RAB37: variants seen among roughly 807,000 people sequenced by gnomAD.
The protein encoded by RAB37 is RAB37, member RAS oncogene family, also known as ras-related protein Rab-37.
In RAB37, 29 loss-of-function variants were observed where a neutral mutation model predicts 33.1. The ratio of observed to expected loss-of-function variants is 0.88; its 90% CI spans 0.65 to 1.20. The LOEUF (loss-of-function observed/expected upper bound fraction) is 1.20. RAB37 is among the 50% of genes most tolerant of loss of function. The pLI is 0.00. For synonymous variants in RAB37, 128 were observed against 119.5 expected, an observed-to-expected ratio of 1.07 and a Z score of -0.47; for missense variants, 299 against 301.1, an observed-to-expected ratio of 0.99 and a Z score of 0.05.
intron 1 of RAB37, among the ~76,000 whole-genome samples, chr17:74,707,913 C>T (rs969854369): frequency 3.3e-5 from 5 of 151,568 alleles, no homozygotes; most frequent in Non-Finnish European, 5.9e-5. Context: ...TGTGAGAGGC[C>T]GAGGCAGGTG....
At chr17:74,696,815 A>C (rs1014867179) in intron 1 of RAB37, among the ~76,000 whole-genome samples, 4 of 152,134 alleles carry the variant, frequency 2.6e-5, no homozygotes, top group Non-Finnish European at 5.9e-5. Context: ...CATCAGTAAA[A>C]GTTGTCTGCA....
rs1226304438 is a variant in RAB37, at chr17:74,744,143, G to A, written c.367-165G>A. On this transcript the variant is annotated intron_variant, in intron 5 of 8. Coordinates refer to ENST00000392613, the MANE Select transcript of RAB37 (RefSeq NM_001006638.3). The surrounding 1 kb of genome is among the most constrained non-coding windows in gnomAD (Gnocchi z 4.2). Reference sequence around the variant, plus strand: ...GGGCCATTGTGGGTTGAGCCACCAAGGAAGGCCATCCAGGCCTGGATGGGC... The same window carrying A: ...GGGCCATTGTGGGTTGAGCCACCAAAGAAGGCCATCCAGGCCTGGATGGGC... Among the ~76,000 whole-genome samples the A allele has an allele frequency of 6.6e-6, 1 of 152,126 alleles. No individual in the cohort carries two copies. The highest frequency in any genetic ancestry group is 1.5e-5 in the Non-Finnish European group (1 of 68,024).
At chr17:74,717,964 C>T (rs979203106) in intron 1 of RAB37, among the ~76,000 whole-genome samples, 11 of 152,076 alleles carry the variant, frequency 7.2e-5, no homozygotes, top group African/African-American at 2.4e-4. Context: ...TTGGACTCTC[C>T]AGGCTCCAAA....
upstream of RAB37, among the ~76,000 whole-genome samples, chr17:74,733,885 C>T (rs1260102747): frequency 1.3e-5 from 2 of 152,068 alleles, no homozygotes; most frequent in East Asian, 3.8e-4. Flanking sequence ...TATGACATTA[C>T]CCACATACCA....
chr17:74,671,501 C>A lies in RAB37; in HGVS notation c.-86C>A. The A allele has an allele frequency of 1.5e-6, 2 of 1,307,622 alleles. No homozygotes were observed. Among genetic ancestry groups the A allele is most frequent in the Non-Finnish European group, 1.1e-6 (1 of 911,874 alleles). 81.0% of individuals were successfully genotyped at this position (1,307,622 alleles called of 1,614,324 possible). A position where few individuals can be genotyped will look rare whatever the true frequency, so the allele number is the denominator to read the frequency against. On this transcript the variant is annotated 5_prime_UTR_variant, in exon 1 of 8. Coordinates refer to the RAB37 transcript ENST00000340415. This position sits in a 1 kb window ranked among gnomAD's most constrained non-coding sequence, Gnocchi z 5.0. ...CCCGCAGAGCTCAGACCCAAGCCTG[C>A]CGCACCCAGCGGAGCTCGAACCGAG...
chr17:74,734,160 G>A (rs563717672), upstream of RAB37, among the ~76,000 whole-genome samples: 4 of 152,188 alleles, frequency 2.6e-5, no homozygotes, highest in Non-Finnish European at 5.9e-5. Context: ...CCCTCTGAAG[G>A]CTCCAGAGAA....
rs2144074537 is a variant in RAB37, at chr17:74,740,980, C to T, written c.204+102C>T. On this transcript the variant is annotated intron_variant, in intron 2 of 8. Transcript: ENST00000392613. The stretch of plus-strand genomic sequence containing the variant: ...TGCTCACCCTGGCTCCCAGGGACTC[C>T]CGAGGCTCATGCCTGGAGGGCACAC... The T allele has an allele frequency of 3.5e-6, 3 of 864,678 alleles. No homozygotes were observed. In the Admixed American group the frequency reaches 5.4e-5, roughly 16 times the overall value. The allele number at this position is 864,678 out of a possible 1,614,324, so 53.6% of individuals were successfully genotyped here.
chr17:74,729,840 A>G lies in RAB37; in HGVS notation c.183+474A>G, dbSNP rs1388750860. On this transcript the variant is annotated intron_variant, in intron 2 of 7. Transcript: ENST00000340415. The surrounding 1 kb of genome is among the most constrained non-coding windows in gnomAD (Gnocchi z 4.2). ...AAAATATTTTAATATGGGATAGCTCAGGTCAGCCCTCCAAGGCAAGAAGAT... is the reference window on the plus strand; with the variant it reads ...AAAATATTTTAATATGGGATAGCTCGGGTCAGCCCTCCAAGGCAAGAAGAT... Among the ~76,000 whole-genome samples, 3 of 152,344 alleles carry G rather than the reference A, an allele frequency of 2.0e-5. No individual in the cohort carries two copies. In the East Asian group the frequency reaches 5.8e-4, roughly 29 times the overall value.
chr17:74,683,570 C>A (rs954621863), intron 1 of RAB37, among the ~76,000 whole-genome samples: 1 of 152,222 alleles, frequency 6.6e-6, no homozygotes, highest in Non-Finnish European at 1.5e-5. Flanking sequence ...TTTGGTTTAA[C>A]ACTTTGCATT....
chr17:74,736,673 G>A, upstream of RAB37: 1 of 1,535,704 alleles, frequency 6.5e-7, no homozygotes, highest in Non-Finnish European at 8.7e-7. Context: ...ATACTAAAGG[G>A]TCAAAGTCCC....
intron 1 of RAB37, among the ~76,000 whole-genome samples, chr17:74,706,406 A>G (rs1325231532): frequency 2.0e-5 from 3 of 150,652 alleles, no homozygotes; most frequent in African/African-American, 7.3e-5. Context: ...AGGTGAGAAT[A>G]TGAGAGAAAG....
intron 1 of RAB37, among the ~76,000 whole-genome samples, chr17:74,691,129 C>T (rs1380649906): frequency 6.6e-6 from 1 of 152,236 alleles, no homozygotes; most frequent in Admixed American, 6.5e-5. Flanking sequence ...CTACCTCAGC[C>T]TCTGGAGTAG....
At chr17:74,695,026 G>T in intron 1 of RAB37, 1 of 1,517,276 alleles carries the variant, frequency 6.6e-7, no homozygotes, top group Non-Finnish European at 8.9e-7. Context: ...GAGGGGAGCA[G>T]GGGGCAGACG....
intron 1 of RAB37, chr17:74,703,021 C>A (rs1567790598): frequency 6.2e-7 from 1 of 1,607,428 alleles, no homozygotes. Flanking sequence ...ACAGTGGAAC[C>A]AGAGCTGGCT....
Position 74,729,306 on chromosome 17 carries a change from G to A in RAB37, c.123G>A (p.Gln41=). ...TGGGAAAGACGTCTCTGCTGGTTCA[G>A]TTCGATCAGGGCAAGTTCATCCCCG... is the stretch of plus-strand genomic sequence containing the variant. The change falls in exon 2 of 8, where the codon CAG becomes CAA. Residue 41 remains glutamine, a synonymous_variant. Coordinates refer to the RAB37 transcript ENST00000340415. This position sits in a 1 kb window ranked among gnomAD's most constrained non-coding sequence, Gnocchi z 4.2. 2 of 1,614,100 alleles carry A rather than the reference G, an allele frequency of 1.2e-6. No homozygotes were observed. Among genetic ancestry groups the A allele is most frequent in the Non-Finnish European group, 1.7e-6 (2 of 1,180,020 alleles).
At chr17:74,708,063 G>A (rs1173911528) in intron 1 of RAB37, among the ~76,000 whole-genome samples, 1 of 149,796 alleles carries the variant, frequency 6.7e-6, no homozygotes, top group Non-Finnish European at 1.5e-5. Flanking sequence ...CAGGAGAATC[G>A]CTTGAACCCA....
chr17:74,689,209 G>A (rs181722383), intron 1 of RAB37, among the ~76,000 whole-genome samples: 22 of 152,246 alleles, frequency 1.4e-4, no homozygotes, highest in Admixed American at 3.9e-4. Context: ...TTGGGAGGTC[G>A]AGGTGGGCAG....
chr17:74,722,525 C>A (rs1166285983), intron 1 of RAB37, among the ~76,000 whole-genome samples: 1 of 152,188 alleles, frequency 6.6e-6, no homozygotes, highest in Non-Finnish European at 1.5e-5. Flanking sequence ...AAGTCAGCTG[C>A]TTGGAGATGT....
upstream of RAB37, among the ~76,000 whole-genome samples, chr17:74,735,877 C>A (rs1000193738): frequency 6.6e-5 from 10 of 152,264 alleles, no homozygotes; most frequent in East Asian, 3.9e-4. Flanking sequence ...GCCCATAAGC[C>A]ACGTCTACCC....
Sources: gnomAD v4.1 joint callset for allele counts (sites outside exome capture counted in the v4.1 genomes callset) on GRCh38, gnomAD v4.1.1 for gene constraint, Gnocchi (gnomAD v3.1) non-coding constraint, MANE v1.5 for transcripts, NCBI Gene and HGNC (gene_info 2026-07-23, HGNC 2026-07-21) for gene names.